The following NIPBL variants were observed in gnomAD, a reference collection of about 807,000 sequenced individuals.
The protein encoded by NIPBL is NIPBL cohesin loading factor, also known as nipped-B-like protein.
In NIPBL, 19 loss-of-function variants were observed where a neutral mutation model predicts 321.8. That is an observed-to-expected ratio of 0.06 (90% CI 0.04 to 0.09). NIPBL has a LOEUF of 0.09. NIPBL is among the 10% of genes least tolerant of loss of function. The pLI is 1.00. For synonymous variants in NIPBL, 1,106 were observed against 1,114.1 expected, an observed-to-expected ratio of 0.99 and a Z score of 0.14; for missense variants, 2,210 against 3,327.0, an observed-to-expected ratio of 0.66 and a Z score of 8.26.
At chr5:37,041,175 T>C (rs1376752482) in intron 34 of NIPBL, among the ~76,000 whole-genome samples, 2 of 151,590 alleles carry the variant, frequency 1.3e-5, no homozygotes, top group Non-Finnish European at 1.5e-5. Context: ...ATTTAAGATA[T>C]TTCTTTTACT....
intron 6 of NIPBL, among the ~76,000 whole-genome samples, chr5:36,965,804 A>G (rs924706700): frequency 1.3e-5 from 2 of 152,142 alleles, no homozygotes; most frequent in Admixed American, 6.5e-5. Flanking sequence ...TTATCTGTCA[A>G]TAATAAAACA....
intron 1 of NIPBL, among the ~76,000 whole-genome samples, chr5:36,884,567 C>G (rs757040567): frequency 3.9e-5 from 6 of 152,070 alleles, no homozygotes; most frequent in South Asian, 2.1e-4. Flanking sequence ...TAATTTGTTC[C>G]TATATTCGTC....
chr5:37,000,289 C>A, intron 11 of NIPBL, 84 bp from the exon 12 acceptor site: 1 of 1,326,510 alleles, frequency 7.5e-7, no homozygotes, highest in Non-Finnish European at 1.1e-6. Flanking sequence ...AGATTTTTTT[C>A]CCCATGTGAT....
intron 41 of NIPBL, among the ~76,000 whole-genome samples, 178 bp from the exon 42 acceptor site, chr5:37,052,188 A>G (rs1268953502): frequency 6.6e-6 from 1 of 152,044 alleles, no homozygotes; most frequent in African/African-American, 2.4e-5. Flanking sequence ...TCTTCTTTGA[A>G]ATGAGGGAAT....
chr5:37,006,961 A>C (rs2149677497), intron 17 of NIPBL, among the ~76,000 whole-genome samples: 1 of 152,090 alleles, frequency 6.6e-6, no homozygotes, highest in Admixed American at 6.5e-5. Flanking sequence ...TGAAGGGAGT[A>C]AGGTCATACC....
chr5:36,950,570 C>T (rs1740173894), intron 1 of NIPBL, among the ~76,000 whole-genome samples: 1 of 152,012 alleles, frequency 6.6e-6, no homozygotes, highest in African/African-American at 2.4e-5. Flanking sequence ...CCATCCCTTT[C>T]AGTGTTCAAC....
intron 30 of NIPBL, 103 bp downstream of exon 30, chr5:37,024,822 A>C: frequency 1.1e-6 from 1 of 900,018 alleles, no homozygotes; most frequent in Non-Finnish European, 1.7e-6. Flanking sequence ...ACACTTTACA[A>C]TGAATCGTTT....
rs530425023 is a variant in NIPBL, at chr5:36,959,461, A to G, written c.358+1230A>G. 7.6e-4 allele frequency among the ~76,000 whole-genome samples: 116 copies of G among 152,330 alleles called. 3 individuals carry two copies. Among genetic ancestry groups the G allele is most frequent in the Admixed American group, 7.3e-3 (111 of 15,294 alleles). On this transcript the variant is annotated intron_variant, in intron 4 of 46. Transcript: ENST00000282516. ...AGCAAGTTGAAGGTAGGTATGCACG[A>G]CAGGGCTCTGACTTCACCAGAACTA...
At chr5:36,926,906 T>A (rs1198701685) in intron 1 of NIPBL, among the ~76,000 whole-genome samples, 1 of 152,176 alleles carries the variant, frequency 6.6e-6, no homozygotes, top group South Asian at 2.1e-4. Context: ...TTTCATGTAT[T>A]TTTTTACCGG....
At chr5:37,025,671 G>A (rs570647423) in intron 30 of NIPBL, among the ~76,000 whole-genome samples, 36 of 152,232 alleles carry the variant, frequency 2.4e-4, no homozygotes, top group African/African-American at 8.7e-4. Flanking sequence ...GAAATAGGAT[G>A]TTCCTAACAC....
chr5:37,006,543 C>G lies in NIPBL; in HGVS notation c.4042C>G (p.Leu1348Val). The G allele has an allele frequency of 1.2e-6, 2 of 1,609,780 alleles. No individual in the cohort carries two copies. The highest frequency in any genetic ancestry group is 1.7e-6 in the Non-Finnish European group (2 of 1,176,598). The change falls in exon 17 of 47, where the codon CTT becomes GTT. Residue 1348 changes from leucine (L) to valine (V), a missense_variant. Transcript: ENST00000282516. ...QYTKFHLQNT[L>V]YPQYDPVYRL... ...CACTAAATTTCATTTGCAGAATACA[C>G]TTTATCCTCAGTATGATCCTGTTTA...
At chr5:36,902,776 T>G (rs1747330338) in intron 1 of NIPBL, among the ~76,000 whole-genome samples, 1 of 152,076 alleles carries the variant, frequency 6.6e-6, no homozygotes, top group Non-Finnish European at 1.5e-5. Flanking sequence ...TTGTTTGTTT[T>G]TTGGTTTTTT....
chr5:36,952,053 TGCGCGCGCGCGCGCGC>T (rs1554010277), intron 1 of NIPBL, among the ~76,000 whole-genome samples: 1 of 112,114 alleles, frequency 8.9e-6, no homozygotes, highest in Admixed American at 8.9e-5. Context: ...TGTGTGTGTG[TGCGCGCGCGCGCGCGC>T]GCGCATGTGT....
intron 1 of NIPBL, among the ~76,000 whole-genome samples, chr5:36,898,111 C>G (rs1024197096): frequency 1.3e-5 from 2 of 151,896 alleles, no homozygotes; most frequent in African/African-American, 4.8e-5. Context: ...AAAAAGATGC[C>G]CAAACTTACT....
intron 20 of NIPBL, 142 bp downstream of exon 20, chr5:37,008,865 A>T: frequency 3.1e-6 from 2 of 638,936 alleles, no homozygotes; most frequent in Middle Eastern, 3.8e-4. Context: ...TGAAAAATAG[A>T]TGTGTGAAAT....
intron 38 of NIPBL, among the ~76,000 whole-genome samples, chr5:37,047,386 T>C (rs1416608013): frequency 2.6e-5 from 4 of 152,224 alleles, no homozygotes; most frequent in African/African-American, 9.6e-5. Flanking sequence ...AACTTACCCA[T>C]ACCTTATTAA....
intron 21 of NIPBL, among the ~76,000 whole-genome samples, chr5:37,012,342 A>T (rs1580466691): frequency 1.4e-5 from 2 of 138,734 alleles, no homozygotes; most frequent in African/African-American, 2.7e-5. Flanking sequence ...TATCTTGGTG[A>T]TATTCTCTTT....
intron 17 of NIPBL, among the ~76,000 whole-genome samples, chr5:37,006,934 A>C (rs1334280639): frequency 6.6e-6 from 1 of 151,978 alleles, no homozygotes; most frequent in East Asian, 1.9e-4. Flanking sequence ...ATAAATGAGC[A>C]ATGAAATGTA....
intron 16 of NIPBL, among the ~76,000 whole-genome samples, chr5:37,004,746 CAT>C (rs963447772): frequency 1.3e-5 from 2 of 152,118 alleles, no homozygotes; most frequent in Non-Finnish European, 2.9e-5. Context: ...ATAAAAGTAA[CAT>C]ATTTATTGTA....
Sources: gnomAD v4.1 joint callset for allele counts (sites outside exome capture counted in the v4.1 genomes callset) on GRCh38, gnomAD v4.1.1 for gene constraint, MANE v1.5 for transcripts, NCBI Gene and HGNC (gene_info 2026-07-23, HGNC 2026-07-21) for gene names.